Variants in ZBTB20 observed in about 807,000 individuals in gnomAD.
ZBTB20 encodes zinc finger and BTB domain containing 20.
Under a neutral mutation model 56.9 loss-of-function variants are expected in ZBTB20, and 9 were observed. The ratio of observed to expected loss-of-function variants is 0.16; its 90% CI spans 0.10 to 0.28. ZBTB20 has a LOEUF of 0.28. ZBTB20 is among the 10% of genes least tolerant of loss of function. The probability of loss-of-function intolerance (pLI) is 1.00; values close to 1 mark genes in which losing one functional copy is unlikely to be tolerated. For missense variants in ZBTB20, 655 were observed against 1,003.0 expected (o/e 0.65, Z 4.69); for synonymous variants, 417 against 420.7 (o/e 0.99, Z 0.11).
chr3:114,565,716 A>G (rs2052639023), intron 6 of ZBTB20, among the ~76,000 whole-genome samples: 1 of 152,148 alleles, frequency 6.6e-6, no homozygotes, highest in African/African-American at 2.4e-5. Context: ...GTCACCACGT[A>G]ATTACCTAAT....
chr3:114,510,550 A>G (rs1216523147), intron 6 of ZBTB20, among the ~76,000 whole-genome samples: 1 of 151,868 alleles, frequency 6.6e-6, no homozygotes, highest in Non-Finnish European at 1.5e-5. Context: ...ATGACCCAGC[A>G]GCAGCATGAT....
At chr3:114,809,612 C>T (rs1049029211) in intron 4 of ZBTB20, among the ~76,000 whole-genome samples, 1 of 151,968 alleles carries the variant, frequency 6.6e-6, no homozygotes, top group East Asian at 1.9e-4. Context: ...TTATTTTGAA[C>T]ATATTTATAA....
intron 7 of ZBTB20, chr3:114,453,666 G>A (rs1291079274): frequency 6.6e-6 from 1 of 152,072 alleles, no homozygotes; most frequent in Non-Finnish European, 1.5e-5. Flanking sequence ...ATAGCATAAA[G>A]TGAGCATAAG....
At chr3:114,879,963 T>C (rs2076337997) in intron 4 of ZBTB20, among the ~76,000 whole-genome samples, 1 of 152,136 alleles carries the variant, frequency 6.6e-6, no homozygotes, top group South Asian at 2.1e-4. Flanking sequence ...CAAAACTGAT[T>C]TTTTTCCTCA....
chr3:114,568,685 T>G lies in ZBTB20; in HGVS notation c.-294-68294A>C, dbSNP rs186045922. Among the ~76,000 whole-genome samples the G allele has an allele frequency of 1.3e-3, 201 of 152,314 alleles. 3 individuals carry two copies. The highest frequency in any genetic ancestry group is 4.6e-3 in the African/African-American group (193 of 41,572). ...TCTCATGGATGTTATCAATACTTGA[T>G]TCAAGGAATTTGAGTTATTACTTAG... On this transcript the variant is annotated intron_variant, in intron 6 of 11. Transcript: ENST00000675478.
intron 5 of ZBTB20, among the ~76,000 whole-genome samples, chr3:114,752,183 T>C (rs2067613476): frequency 6.6e-6 from 1 of 152,172 alleles, no homozygotes; most frequent in South Asian, 2.1e-4. Context: ...ATCCAATAAT[T>C]TGGTAAAGAT....
chr3:114,365,910 T>C (rs2082348115), intron 10 of ZBTB20, among the ~76,000 whole-genome samples: 1 of 152,208 alleles, frequency 6.6e-6, no homozygotes, highest in Non-Finnish European at 1.5e-5. Context: ...ACACTTTGTT[T>C]TGTAGGTCTG....
intron 2 of ZBTB20, among the ~76,000 whole-genome samples, chr3:115,042,689 C>T (rs75716958): frequency 1.3e-5 from 2 of 152,174 alleles, no homozygotes; most frequent in African/African-American, 4.8e-5. Flanking sequence ...CACACTCATA[C>T]AAAATGCATT....
chr3:114,845,974 T>TA (rs2074682601), intron 4 of ZBTB20, among the ~76,000 whole-genome samples: 2 of 152,124 alleles, frequency 1.3e-5, no homozygotes, highest in African/African-American at 4.8e-5. Flanking sequence ...CTTAAATAGG[T>TA]ACTCAAAAGA....
chr3:114,528,172 T>C lies in ZBTB20; in HGVS notation c.-294-27781A>G, dbSNP rs2110002918. On this transcript the variant is annotated intron_variant, in intron 6 of 11. Transcript: ENST00000675478. Reference sequence around the variant, plus strand: ...AAAGAAAATGTGCTCTAGAGTCAAATTTATCTTTGTACAAGAGCTGTGACA... The same window carrying C: ...AAAGAAAATGTGCTCTAGAGTCAAACTTATCTTTGTACAAGAGCTGTGACA... Among the ~76,000 whole-genome samples, 2 of 152,272 alleles carry C rather than the reference T, an allele frequency of 1.3e-5. 1 individual carries two copies. The highest frequency in any genetic ancestry group is 4.1e-4 in the South Asian group (2 of 4,832).
At chr3:114,944,466 A>T (rs1289456920) in intron 3 of ZBTB20, among the ~76,000 whole-genome samples, 1 of 145,562 alleles carries the variant, frequency 6.9e-6, no homozygotes, top group Non-Finnish European at 1.5e-5. Flanking sequence ...TGATCCAGTA[A>T]TTTGACTTCA....
intron 5 of ZBTB20, among the ~76,000 whole-genome samples, chr3:114,738,047 T>C (rs980669392): frequency 1.3e-5 from 2 of 152,218 alleles, no homozygotes; most frequent in Middle Eastern, 3.4e-3. Flanking sequence ...GAGTATGATC[T>C]TACAGTGAAT....
chr3:114,866,142 T>G (rs1395010255), intron 4 of ZBTB20, among the ~76,000 whole-genome samples: 1 of 152,208 alleles, frequency 6.6e-6, no homozygotes, highest in Non-Finnish European at 1.5e-5. Flanking sequence ...CCTCATGTAT[T>G]TAAATAATAG....
chr3:115,003,410 G>GT lies in ZBTB20; in HGVS notation c.-506-28995dup, dbSNP rs112518810. ...TACAGGAACTCTACTTTCTCCCCAG[G>GT]TTTTTTTTTTGTTTGTTTTTTGTTT... is the stretch of plus-strand genomic sequence containing the variant. On this transcript the variant is annotated intron_variant, in intron 2 of 11. Coordinates refer to ENST00000675478, the MANE Select transcript of ZBTB20 (RefSeq NM_001348800.3). 4.6e-3 allele frequency among the ~76,000 whole-genome samples: 669 copies of GT among 144,838 alleles called. 7 individuals are homozygous for GT. The highest frequency in any genetic ancestry group is 0.015 in the African/African-American group (624 of 40,554).
intron 6 of ZBTB20, among the ~76,000 whole-genome samples, chr3:114,501,358 C>G (rs1474673434): frequency 6.6e-6 from 1 of 152,128 alleles, no homozygotes; most frequent in East Asian, 1.9e-4. Flanking sequence ...GGCGCGGTGG[C>G]TCACGCCTGT....
At chr3:114,544,479 T>TTC (rs1313326695) in intron 6 of ZBTB20, among the ~76,000 whole-genome samples, 2 of 133,770 alleles carry the variant, frequency 1.5e-5, no homozygotes, top group Admixed American at 8.3e-5. Context: ...CTTTCTTTCT[T>TTC]TTTCTTTCAC....
intron 6 of ZBTB20, among the ~76,000 whole-genome samples, chr3:114,500,959 A>G (rs1310679119): frequency 6.6e-6 from 1 of 152,196 alleles, no homozygotes; most frequent in Non-Finnish European, 1.5e-5. Flanking sequence ...GACCAATTTT[A>G]GCTAATTTTG....
chr3:114,705,908 T>C (rs1386753144), intron 5 of ZBTB20, among the ~76,000 whole-genome samples: 1 of 152,216 alleles, frequency 6.6e-6, no homozygotes, highest in Non-Finnish European at 1.5e-5. Context: ...GCCATATTGA[T>C]AATTACTCTT....
chr3:114,385,500 T>G (rs1182852673), intron 8 of ZBTB20, among the ~76,000 whole-genome samples: 1 of 152,214 alleles, frequency 6.6e-6, no homozygotes, highest in African/African-American at 2.4e-5. Flanking sequence ...TGCTGGCACA[T>G]GGTAAGAGCT....
Sources: gnomAD v4.1 joint callset for allele counts (sites outside exome capture counted in the v4.1 genomes callset) on GRCh38, gnomAD v4.1.1 for gene constraint, MANE v1.5 for transcripts, NCBI Gene and HGNC (gene_info 2026-07-23, HGNC 2026-07-21) for gene names.